CPPED1: variants seen among roughly 807,000 people sequenced by gnomAD.
CPPED1 encodes the protein serine/threonine-protein phosphatase CPPED1.
In CPPED1, 28 loss-of-function variants were observed where a neutral mutation model predicts 28.0. The ratio of observed to expected loss-of-function variants is 1.00; its 90% confidence interval spans 0.74 to 1.37. CPPED1 has a LOEUF of 1.37. Ranked by LOEUF, CPPED1 falls within the 40% of genes most tolerant of loss-of-function variation. The pLI, the probability that CPPED1 is intolerant of heterozygous loss-of-function variation, is 0.00. For missense variants in CPPED1, 504 were observed against 416.5 expected, an observed-to-expected ratio of 1.21 and a Z score of -1.83; for synonymous variants, 198 against 180.2, an observed-to-expected ratio of 1.10 and a Z score of -0.79.
intron 2 of CPPED1, among the ~76,000 whole-genome samples, chr16:12,755,991 C>T (rs769954149): frequency 6.6e-6 from 1 of 152,044 alleles, no homozygotes; most frequent in Non-Finnish European, 1.5e-5. Flanking sequence ...ATTAGCCGGG[C>T]GTGGTCGCGG....
rs2079801073 is a variant in CPPED1, at chr16:12,662,551, G to C, written c.*2335C>G. The C allele has an allele frequency of 6.6e-6, 1 of 152,110 alleles. No individual in the cohort carries two copies. Among genetic ancestry groups the C allele is most frequent in the Non-Finnish European group, 1.5e-5 (1 of 68,030 alleles). 9.4% of individuals were successfully genotyped at this position (152,110 alleles called of 1,614,324 possible). A position where few individuals can be genotyped will look rare whatever the true frequency, so the allele number is the denominator to read the frequency against. ...TCCCTTACCCTCCTCCCACCCTTCTGAGTCTCCAATGTTTGTTCCACACTC... is the reference window on the plus strand; with the variant it reads ...TCCCTTACCCTCCTCCCACCCTTCTCAGTCTCCAATGTTTGTTCCACACTC... On this transcript the variant is annotated 3_prime_UTR_variant, in exon 4 of 4. Transcript: ENST00000381774.
chr16:12,797,718 T>G (rs193006474), intron 1 of CPPED1, among the ~76,000 whole-genome samples: 1 of 149,558 alleles, frequency 6.7e-6, no homozygotes, highest in Non-Finnish European at 1.5e-5. Context: ...GAAAAAAAAA[T>G]GGCAAAAAAT....
At chr16:12,796,930 G>GA (rs1174379849) in intron 1 of CPPED1, among the ~76,000 whole-genome samples, 1 of 152,150 alleles carries the variant, frequency 6.6e-6, no homozygotes, top group African/African-American at 2.4e-5. Context: ...TAGTAAAAAG[G>GA]AACAAAGTAT....
chr16:12,750,031 C>G (rs553650898), intron 2 of CPPED1, among the ~76,000 whole-genome samples: 1 of 152,150 alleles, frequency 6.6e-6, no homozygotes, highest in Non-Finnish European at 1.5e-5. Context: ...ATACATTAAA[C>G]GTTTCTGTTG....
chr16:12,700,919 T>C (rs753880488), intron 3 of CPPED1, among the ~76,000 whole-genome samples: 2 of 151,988 alleles, frequency 1.3e-5, no homozygotes, highest in Non-Finnish European at 2.9e-5. Context: ...GAGAGCCTTA[T>C]ACAGAAGATG....
chr16:12,776,865 G>A (rs1268808535), intron 2 of CPPED1, among the ~76,000 whole-genome samples: 1 of 152,112 alleles, frequency 6.6e-6, no homozygotes, highest in Non-Finnish European at 1.5e-5. Flanking sequence ...GTTGCAATGA[G>A]CCAAGATCAT....
chr16:12,785,674 C>T (rs553961363), intron 1 of CPPED1, among the ~76,000 whole-genome samples: 8 of 151,622 alleles, frequency 5.3e-5, no homozygotes, highest in East Asian at 2.0e-4. Flanking sequence ...ATGATCTGCC[C>T]GCCTTGGCCT....
intron 1 of CPPED1, among the ~76,000 whole-genome samples, chr16:12,802,714 A>C (rs1175739646): frequency 6.6e-6 from 1 of 152,224 alleles, no homozygotes; most frequent in East Asian, 1.9e-4. Flanking sequence ...GTGACGGTTG[A>C]GAGAGCCAGG....
At chr16:12,726,262 G>C (rs112091236) in intron 2 of CPPED1, among the ~76,000 whole-genome samples, 22,893 of 150,044 alleles carry the variant, frequency 0.15, 1,927 homozygotes, top group Admixed American at 0.18. Context: ...AGCTGGTCTT[G>C]AACTCCTGAC....
intron 2 of CPPED1, among the ~76,000 whole-genome samples, chr16:12,729,339 G>C (rs1221053187): frequency 6.6e-6 from 1 of 152,042 alleles, no homozygotes; most frequent in Non-Finnish European, 1.5e-5. Flanking sequence ...TTAAGGTTAA[G>C]ACGTTTTTAT....
At chr16:12,698,775 T>TTC (rs372553382) in intron 3 of CPPED1, among the ~76,000 whole-genome samples, 1 of 152,134 alleles carries the variant, frequency 6.6e-6, no homozygotes, top group Admixed American at 6.6e-5. Flanking sequence ...AAGATTTATC[T>TTC]TCTCTCTCTC....
At chr16:12,689,410 T>C (rs2079950648) in intron 3 of CPPED1, among the ~76,000 whole-genome samples, 1 of 150,840 alleles carries the variant, frequency 6.6e-6, no homozygotes, top group African/African-American at 2.4e-5. Flanking sequence ...AAGTATATTT[T>C]GTAGAGATGG....
At chr16:12,764,732 C>A (rs771814076) in intron 2 of CPPED1, among the ~76,000 whole-genome samples, 3 of 152,222 alleles carry the variant, frequency 2.0e-5, no homozygotes, top group Non-Finnish European at 2.9e-5. Flanking sequence ...CCACCTCCCA[C>A]CCTCTTGGGT....
intron 2 of CPPED1, chr16:12,760,485 G>A (rs780192661): frequency 5.3e-5 from 8 of 152,374 alleles, no homozygotes; most frequent in African/African-American, 1.9e-4. Context: ...GCTGTACTAC[G>A]GTCATATACT....
At chr16:12,735,015 G>A (rs377750038) in intron 2 of CPPED1, among the ~76,000 whole-genome samples, 8 of 152,122 alleles carry the variant, frequency 5.3e-5, no homozygotes, top group East Asian at 3.9e-4. Context: ...GGGCAATAGG[G>A]TGAACCCCAC....
intron 2 of CPPED1, among the ~76,000 whole-genome samples, chr16:12,779,662 C>A (rs1255678212): frequency 6.6e-6 from 1 of 152,034 alleles, no homozygotes; most frequent in African/African-American, 2.4e-5. Context: ...AGCACATAAG[C>A]CACCGCGCCC....
intron 2 of CPPED1, among the ~76,000 whole-genome samples, chr16:12,736,874 G>C (rs1049293116): frequency 6.6e-6 from 1 of 152,080 alleles, no homozygotes; most frequent in East Asian, 1.9e-4. Flanking sequence ...CAGTGGGGAG[G>C]GGAAGAGCTG....
intron 3 of CPPED1, among the ~76,000 whole-genome samples, chr16:12,669,236 C>A (rs1002499254): frequency 6.6e-6 from 1 of 152,000 alleles, no homozygotes; most frequent in African/African-American, 2.4e-5. Flanking sequence ...TGCAAAAGGC[C>A]CCATCTTGTA....
At chr16:12,760,607 C>T (rs2080403530) in intron 2 of CPPED1, 1 of 152,134 alleles carries the variant, frequency 6.6e-6, no homozygotes, top group African/African-American at 2.4e-5. Context: ...CAGGCCTAGG[C>T]ATCGAAAATG....
Sources: allele counts gnomAD v4.1 joint callset (sites outside exome capture counted in the v4.1 genomes callset), GRCh38; gene constraint gnomAD v4.1.1; transcripts MANE v1.5; gene names NCBI Gene and HGNC (gene_info 2026-07-23, HGNC 2026-07-21).